FBXL17: variants seen among roughly 807,000 people sequenced by gnomAD.
FBXL17 encodes F-box and leucine rich repeat protein 17.
FBXL17 carries 22 observed loss-of-function variants against 66.2 expected under a neutral mutation model. That is an observed-to-expected ratio of 0.33 (90% CI 0.24 to 0.47). The LOEUF is 0.47. Among genes scored for constraint, FBXL17 ranks in the 20% least tolerant of loss-of-function variants. The pLI is 1.00. For synonymous variants in FBXL17, 474 were observed against 400.5 expected (o/e 1.18, Z -2.19); for missense variants, 878 against 948.2 (o/e 0.93, Z 0.97).
intron 6 of FBXL17, among the ~76,000 whole-genome samples, chr5:108,132,944 G>A (rs1255634923): frequency 6.6e-6 from 1 of 152,080 alleles, no homozygotes; most frequent in Non-Finnish European, 1.5e-5. Flanking sequence ...AGAAAGGAAT[G>A]TCATATTAGC....
intron 7 of FBXL17, among the ~76,000 whole-genome samples, chr5:107,899,939 C>A (rs1475580865): frequency 6.6e-6 from 1 of 152,040 alleles, no homozygotes; most frequent in Non-Finnish European, 1.5e-5. Flanking sequence ...CTTGTACCCC[C>A]TAAATATTAA....
In FBXL17 at chr5:108,119,261, T is replaced by A. The variant is rs79227960; in HGVS notation, c.1745+66856A>T. On this transcript the variant is annotated intron_variant, in intron 6 of 8. Coordinates refer to ENST00000542267, the MANE Select transcript of FBXL17 (RefSeq NM_001163315.3). ...TGCCTGACCCTGGCATGGATAATCA[T>A]GTCCTGAGGTTGTGCAAGGGGAATG... 4.3e-3 allele frequency among the ~76,000 whole-genome samples: 653 copies of A among 152,334 alleles called. 3 individuals are homozygous for A. The highest frequency in any genetic ancestry group is 0.015 in the African/African-American group (632 of 41,576).
chr5:108,187,073 A>G (rs1357838359), intron 5 of FBXL17, among the ~76,000 whole-genome samples: 1 of 152,168 alleles, frequency 6.6e-6, no homozygotes, highest in Admixed American at 6.5e-5. Flanking sequence ...TTCATCATAA[A>G]ATGATATAAA....
rs201874903 is a variant in FBXL17 at position 108,182,477 on chromosome 5, TTC to T, written c.1745+3638_1745+3639del. Among the ~76,000 whole-genome samples the T allele has an allele frequency of 4.1e-3, 625 of 152,314 alleles. 6 individuals carry two copies. Among genetic ancestry groups the T allele is most frequent in the African/African-American group, 0.014 (572 of 41,572 alleles). The stretch of plus-strand genomic sequence containing the variant: ...CAAAGTGGGTTTTAATGTTTGAAAC[TTC>T]TATTACAGTATACAGGATAAGTGCA... On this transcript the variant is annotated intron_variant, in intron 6 of 8. Coordinates refer to ENST00000542267, the MANE Select transcript of FBXL17 (RefSeq NM_001163315.3).
intron 6 of FBXL17, among the ~76,000 whole-genome samples, chr5:108,031,355 A>G (rs1241479039): frequency 6.6e-6 from 1 of 152,136 alleles, no homozygotes; most frequent in East Asian, 1.9e-4. Context: ...AGGTAGAAAA[A>G]TAATAAAATC....
At chr5:107,869,306 T>A (rs1048828397) in intron 8 of FBXL17, among the ~76,000 whole-genome samples, 1 of 152,170 alleles carries the variant, frequency 6.6e-6, no homozygotes, top group Non-Finnish European at 1.5e-5. Flanking sequence ...CAGATATCCA[T>A]GGAACCTGGT....
At chr5:108,019,930 TA>T (rs61598228) in intron 7 of FBXL17, among the ~76,000 whole-genome samples, 4 of 149,682 alleles carry the variant, frequency 2.7e-5, no homozygotes, top group African/African-American at 2.4e-5. Context: ...TTTCTAAATG[TA>T]AAAAAAAAAT....
At chr5:107,959,658 A>G (rs1421590437) in intron 7 of FBXL17, among the ~76,000 whole-genome samples, 1 of 152,156 alleles carries the variant, frequency 6.6e-6, no homozygotes, top group Non-Finnish European at 1.5e-5. Context: ...AAGTTTTGTC[A>G]TAATGGTTCT....
chr5:108,355,996 TTAAA>T (rs1747962729), intron 3 of FBXL17, among the ~76,000 whole-genome samples: 1 of 152,094 alleles, frequency 6.6e-6, no homozygotes, highest in South Asian at 2.1e-4. Flanking sequence ...GAAATCTACT[TTAAA>T]TAGACAGAAA....
intron 6 of FBXL17, among the ~76,000 whole-genome samples, chr5:108,102,077 G>T (rs917778991): frequency 6.6e-6 from 1 of 152,106 alleles, no homozygotes; most frequent in Non-Finnish European, 1.5e-5. Context: ...CGTTTCGGCA[G>T]CTTGTACTCT....
At chr5:108,120,831 G>A (rs779913892) in intron 6 of FBXL17, among the ~76,000 whole-genome samples, 1 of 152,150 alleles carries the variant, frequency 6.6e-6, no homozygotes, top group Non-Finnish European at 1.5e-5. Flanking sequence ...TTTCACTGAT[G>A]TATCCTTAGT....
chr5:108,279,350 C>T (rs896771683), intron 4 of FBXL17, among the ~76,000 whole-genome samples: 1 of 152,012 alleles, frequency 6.6e-6, no homozygotes, highest in Non-Finnish European at 1.5e-5. Flanking sequence ...ACCAGGCCAC[C>T]CAGCATCCCA....
Position 108,193,717 on chromosome 5 carries a change from C to A in FBXL17, c.1615-7470G>T, listed in dbSNP as rs1389112224. On this transcript the variant is annotated intron_variant, in intron 5 of 8. Coordinates refer to ENST00000542267, the MANE Select transcript of FBXL17 (RefSeq NM_001163315.3). ...AAATAGCCTTAAAGCTTCACAGAGA[C>A]AACAGCAATTGCTAGTACTATGAAA... 2.2e-5 allele frequency among the ~76,000 whole-genome samples: 3 copies of A among 138,502 alleles called. No individual in the cohort carries two copies. The East Asian group carries it at 6.2e-4, about 29-fold the overall frequency. The allele number at this position is 138,502 out of a possible 152,430, so 90.9% of individuals were successfully genotyped here.
At chr5:108,276,510 T>C (rs1757488993) in intron 4 of FBXL17, among the ~76,000 whole-genome samples, 1 of 152,280 alleles carries the variant, frequency 6.6e-6, no homozygotes, top group African/African-American at 2.4e-5. Context: ...TATGGATCAA[T>C]AATGCTGCTC....
intron 6 of FBXL17, among the ~76,000 whole-genome samples, chr5:108,146,568 C>G (rs189290860): frequency 6.6e-6 from 1 of 152,148 alleles, no homozygotes; most frequent in Non-Finnish European, 1.5e-5. Flanking sequence ...GTTTTATAAA[C>G]CCTACCCAGT....
At chr5:107,891,011 A>C (rs1010346612) in intron 7 of FBXL17, among the ~76,000 whole-genome samples, 1 of 152,310 alleles carries the variant, frequency 6.6e-6, no homozygotes, top group Non-Finnish European at 1.5e-5. Context: ...TAGACTATAT[A>C]ATTTTTCAGA....
At chr5:108,223,586 T>C (rs1327131176) in intron 5 of FBXL17, among the ~76,000 whole-genome samples, 2 of 152,198 alleles carry the variant, frequency 1.3e-5, no homozygotes, top group Non-Finnish European at 2.9e-5. Flanking sequence ...GCAGTAGAGA[T>C]GACACATCAG....
chr5:108,143,736 A>AAG (rs1226081600), intron 6 of FBXL17, among the ~76,000 whole-genome samples: 1 of 149,754 alleles, frequency 6.7e-6, no homozygotes, highest in Non-Finnish European at 1.5e-5. Context: ...GAAAAAAAAA[A>AAG]AAAAAAAAAA....
At chr5:107,939,262 T>C (rs574222434) in intron 7 of FBXL17, among the ~76,000 whole-genome samples, 9 of 152,266 alleles carry the variant, frequency 5.9e-5, no homozygotes, top group African/African-American at 2.2e-4. Context: ...TACAGCTCCA[T>C]TATTTTCAGG....
Sources: allele counts gnomAD v4.1 joint callset (sites outside exome capture counted in the v4.1 genomes callset), GRCh38; gene constraint gnomAD v4.1.1; transcripts MANE v1.5; gene names NCBI Gene and HGNC (gene_info 2026-07-23, HGNC 2026-07-21).